CD177: variants seen among roughly 807,000 people sequenced by gnomAD.
CD177 encodes the protein CD177 antigen.
CD177 carries 41 observed loss-of-function variants against 38.1 expected under a neutral mutation model. That is an observed-to-expected ratio of 1.07 (90% confidence interval 0.84 to 1.39). CD177 has a LOEUF of 1.39. Ranked by LOEUF, CD177 falls within the 40% of genes most tolerant of loss-of-function variation. CD177 has a pLI of 0.00. For synonymous variants in CD177, 236 were observed against 216.7 expected (o/e 1.09, Z -0.78); for missense variants, 619 against 523.8 (o/e 1.18, Z -1.77).
chr19:43,360,616 G>A, intron 6 of CD177: 1 of 571,422 alleles, frequency 1.8e-6, no homozygotes, highest in Non-Finnish European at 3.1e-6. Context: ...TCTGGGGAGG[G>A]GTGACCACGT....
At position 43,362,559 on chromosome 19, in the gene CD177, T is replaced by C. The variant is rs1969987956; in HGVS notation, c.*239T>C. On this transcript the variant is annotated 3_prime_UTR_variant, in exon 9 of 9. Coordinates refer to ENST00000618265, the MANE Select transcript of CD177 (RefSeq NM_020406.4). ...AGGAGTGGCTGCATGTATCTGATAA[T>C]ACAGACCCTGTCCTTTCTCCCAGTG... 5.0e-6 allele frequency: 2 copies of C among 402,556 alleles called. No individual in the cohort carries two copies. Among genetic ancestry groups the C allele is most frequent in the South Asian group, 6.9e-5 (1 of 14,588 alleles). The allele number at this position is 402,556 out of a possible 1,614,324, so 24.9% of individuals were successfully genotyped here. A position where few individuals can be genotyped will look rare whatever the true frequency, so the allele number is the denominator to read the frequency against.
downstream of CD177, among the ~76,000 whole-genome samples, chr19:43,366,042 G>A (rs963662881): frequency 4.6e-5 from 7 of 152,250 alleles, no homozygotes; most frequent in African/African-American, 1.4e-4. Flanking sequence ...AGGAGGAGGC[G>A]CGGAATTTCT....
In CD177 at chr19:43,362,287, G is replaced by A. The variant is rs879249596; in HGVS notation, c.1281G>A (p.Ala427=). 25 of 1,577,150 alleles carry A rather than the reference G, an allele frequency of 1.6e-5. No homozygotes were observed. Among genetic ancestry groups the A allele is most frequent in the East Asian group, 2.2e-5 (1 of 44,546 alleles). ...TWGVGLALAP[A]LWWGVVCPSC The stretch of plus-strand genomic sequence containing the variant: ...GGGTGGGGCTGGCACTGGCCCCAGC[G>A]CTGTGGTGGGGAGTGGTTTGCCCTT... Residue 427 remains alanine, a synonymous_variant, in exon 9 of 9, where the codon GCG becomes GCA. Transcript: ENST00000618265.
rs1173999845 is a variant in CD177, at chr19:43,362,300, G to A, written c.1294G>A (p.Val432Met). The A allele has an allele frequency of 6.4e-7, 1 of 1,551,432 alleles. No homozygotes were observed. Among genetic ancestry groups the A allele is most frequent in the Non-Finnish European group, 8.9e-7 (1 of 1,128,562 alleles). ...ACTGGCCCCAGCGCTGTGGTGGGGA[G>A]TGGTTTGCCCTTCCTGCTAACTCTA... is the stretch of plus-strand genomic sequence containing the variant. ...LALAPALWWG[V>M]VCPSC The change falls in exon 9 of 9, where the codon GTG becomes ATG. Residue 432 changes from valine to methionine, a missense_variant. By Grantham distance (21) the Val-to-Met change is conservative. Coordinates refer to ENST00000618265, the MANE Select transcript of CD177 (RefSeq NM_020406.4).
downstream of CD177, among the ~76,000 whole-genome samples, chr19:43,366,065 G>A (rs1970024022): frequency 6.6e-6 from 1 of 152,148 alleles, no homozygotes; most frequent in Non-Finnish European, 1.5e-5. Flanking sequence ...AGAACCTCCA[G>A]CTCTGCACTG....
intron 2 of CD177, 96 bp downstream of exon 2, chr19:43,354,089 T>C: frequency 1.1e-5 from 17 of 1,565,944 alleles, no homozygotes; most frequent in Non-Finnish European, 1.5e-5. Flanking sequence ...GGGGATCGAC[T>C]CCTAGGGTCC....
chr19:43,362,009 T>C, intron 8 of CD177, 79 bp from the exon 9 acceptor site: 2 of 1,209,274 alleles, frequency 1.7e-6, no homozygotes, highest in Admixed American at 3.8e-5. Context: ...GGGAGGAGGG[T>C]CTGGGGCCTG....
At chr19:43,361,086 C>G (rs1969955278) in intron 6 of CD177, 57 bp from the exon 7 acceptor site, 2 of 704,206 alleles carry the variant, frequency 2.8e-6, no homozygotes, top group Admixed American at 2.6e-5. Context: ...AGCTCTGGAG[C>G]CCCTGCTGCC....
rs1339968215 is a variant in CD177, at chr19:43,361,256, C to T, written c.874C>T (p.His292Tyr). Residue 292 changes from histidine to tyrosine, a missense_variant, in exon 7 of 9, where the codon CAC (histidine) becomes TAC (tyrosine). By Grantham distance (83) the His-to-Tyr change is moderately conservative. Coordinates refer to ENST00000618265, the MANE Select transcript of CD177 (RefSeq NM_020406.4). ...PPGVLVASYT[H>Y]FCSSDLCNSA... ...TGGGGTGCTTGTGGCCTCCTATACC[C>T]ACTTCTGCTCCTCGGACCTGTGCAA... 1.3e-6 allele frequency: 2 copies of T among 1,533,654 alleles called. No homozygotes were observed. The highest frequency in any genetic ancestry group is 2.3e-5 in the South Asian group (2 of 87,556).
At chr19:43,354,602 C>G (rs1969896801) in intron 3 of CD177, 1 of 605,608 alleles carries the variant, frequency 1.7e-6, no homozygotes, top group Non-Finnish European at 2.9e-6. Context: ...CACCGACCTG[C>G]CACCCGGGAA....
At chr19:43,354,472 C>G (rs750382343) in intron 3 of CD177, 80 bp downstream of exon 3, 4 of 1,446,682 alleles carry the variant, frequency 2.8e-6, no homozygotes, top group Non-Finnish European at 3.8e-6. Flanking sequence ...GTTACGGAGT[C>G]CCTCCCACCC....
At position 43,353,934 on chromosome 19, in the gene CD177, A is replaced by G; in HGVS notation, c.134A>G (p.Lys45Arg). ...VSDLPRQWTP[K>R]NTSCDSGLGC... Reference sequence around the variant, plus strand: ...GACCTGCCCCGGCAATGGACCCCTAAGAACACCAGCTGCGACAGCGGCTTG... The same window carrying G: ...GACCTGCCCCGGCAATGGACCCCTAGGAACACCAGCTGCGACAGCGGCTTG... The change falls in exon 2 of 9, where the codon AAG (lysine) becomes AGG (arginine). Residue 45 changes from lysine (K) to arginine (R), a missense_variant. Lys to Arg is a conservative substitution (Grantham distance 26). Coordinates refer to ENST00000618265, the MANE Select transcript of CD177 (RefSeq NM_020406.4). The G allele has an allele frequency of 6.2e-7, 1 of 1,613,876 alleles. No homozygotes were observed. The highest frequency in any genetic ancestry group is 8.5e-7 in the Non-Finnish European group (1 of 1,179,826).
chr19:43,360,183 A>G, intron 5 of CD177, 82 bp from the exon 6 acceptor site: 1 of 1,509,008 alleles, frequency 6.6e-7, no homozygotes, highest in Non-Finnish European at 9.0e-7. Context: ...CAAGAGTGTG[A>G]TCACCTTCCC....
At position 43,361,148 on chromosome 19, in the gene CD177, A is replaced by G. The variant is rs1220802275; in HGVS notation, c.766A>G (p.Thr256Ala). ...ETLLLLDVGLTSTLVGTKGCS... is the reference protein window; with the variant it reads ...ETLLLLDVGLASTLVGTKGCS... ...GCTTTCCCTCTCACCCTCAGGACTC[A>G]CATCAACCCTGGTGGGGACAAAAGG... Residue 256 changes from threonine to alanine, a missense_variant, in exon 7 of 9, where the codon ACA becomes GCA. By Grantham distance (58) the Thr-to-Ala change is moderately conservative. Coordinates refer to ENST00000618265, the MANE Select transcript of CD177 (RefSeq NM_020406.4). The G allele has an allele frequency of 6.6e-6, 10 of 1,507,504 alleles. 1 individual carries two copies. Among genetic ancestry groups the G allele is most frequent in the South Asian group, 5.6e-5 (5 of 89,246 alleles). The allele number at this position is 1,507,504 out of a possible 1,614,324, so 93.4% of individuals were successfully genotyped here.
Position 43,362,443 on chromosome 19 carries a change from C to T in CD177, c.*123C>T, listed in dbSNP as rs1969986098. On this transcript the variant is annotated 3_prime_UTR_variant, in exon 9 of 9. Transcript: ENST00000618265. ...CATTCTGTCCATGAATCATCTTCCC[C>T]ACACACAATCATTCATATCTACTCA... 1.7e-6 allele frequency: 1 copy of T among 585,228 alleles called. No homozygotes were observed. The highest frequency in any genetic ancestry group is 3.1e-6 in the Non-Finnish European group (1 of 327,534). 36.3% of individuals were successfully genotyped at this position (585,228 alleles called of 1,614,324 possible). A position where few individuals can be genotyped will look rare whatever the true frequency, so the allele number is the denominator to read the frequency against.
chr19:43,361,369 A>C, intron 7 of CD177, 41 bp downstream of exon 7: 1 of 1,592,350 alleles, frequency 6.3e-7, no homozygotes, highest in Non-Finnish European at 8.6e-7. Context: ...GCCCAGACAC[A>C]CAGAGACTCT....
chr19:43,361,957 G>A, intron 8 of CD177, 131 bp from the exon 9 acceptor site: 1 of 712,010 alleles, frequency 1.4e-6, no homozygotes, highest in South Asian at 1.9e-5. Flanking sequence ...GGACCCCTGG[G>A]TCTGAGGAGC....
rs1262221697 is a variant in CD177, at chr19:43,361,991, C to T, written c.1082-97C>T. On this transcript the variant is annotated intron_variant, in intron 8 of 8. Coordinates refer to ENST00000618265, the MANE Select transcript of CD177 (RefSeq NM_020406.4). ...GCTGGAGCTGGGGGTCTGGGCTCCT[C>T]GGTCTGAGGGAGGAGGGTCTGGGGC... 10 of 950,146 alleles carry T rather than the reference C, an allele frequency of 1.1e-5. No individual in the cohort carries two copies. The South Asian group carries it at 1.1e-4, about 11-fold the overall frequency. The allele number at this position is 950,146 out of a possible 1,614,324, so 58.9% of individuals were successfully genotyped here. A position where few individuals can be genotyped will look rare whatever the true frequency, so the allele number is the denominator to read the frequency against.
In CD177 at chr19:43,355,770, C is replaced by T. The variant is rs1369075520; in HGVS notation, c.489C>T (p.Leu163=). The part of the protein sequence containing the change: ...KGTTHCYDGL[L]RLRGGGIFSN... Reference sequence around the variant, plus strand: ...CCACACACTGTTATGATGGCCTCCTCAGGCTCAGGGGAGGTAAGCCTGGGA... The same window carrying T: ...CCACACACTGTTATGATGGCCTCCTTAGGCTCAGGGGAGGTAAGCCTGGGA... The change falls in exon 4 of 9, where the codon CTC becomes CTT. Residue 163 remains leucine, a synonymous_variant. Coordinates refer to ENST00000618265, the MANE Select transcript of CD177 (RefSeq NM_020406.4). The T allele has an allele frequency of 6.2e-7, 1 of 1,613,010 alleles. No individual in the cohort carries two copies. The highest frequency in any genetic ancestry group is 2.2e-5 in the East Asian group (1 of 44,874).
Sources: gnomAD v4.1 joint callset for allele counts (sites outside exome capture counted in the v4.1 genomes callset) on GRCh38, gnomAD v4.1.1 for gene constraint, MANE v1.5 for transcripts, NCBI Gene and HGNC (gene_info 2026-07-23, HGNC 2026-07-21) for gene names.